The following VWA2 variants were observed in gnomAD, a reference collection of about 807,000 sequenced individuals.
VWA2 encodes the protein von Willebrand factor A domain-containing protein 2.
Under a neutral mutation model 70.4 loss-of-function variants are expected in VWA2, and 73 were observed. That is an observed-to-expected ratio of 1.04 (90% CI 0.86 to 1.26). The LOEUF is 1.26. VWA2 is among the 50% of genes most tolerant of loss of function. VWA2 has a pLI of 0.00. For synonymous variants in VWA2, 407 were observed against 423.3 expected, an observed-to-expected ratio of 0.96 and a Z score of 0.47; for missense variants, 1,011 against 998.5, an observed-to-expected ratio of 1.01 and a Z score of -0.17.
rs2036937135 is a variant in VWA2 at position 114,239,536 on chromosome 10, C to T, written c.-44C>T. 6.6e-6 allele frequency: 1 copy of T among 152,218 alleles called. No homozygotes were observed. Among genetic ancestry groups the T allele is most frequent in the African/African-American group, 2.4e-5 (1 of 41,436 alleles). The allele number at this position is 152,218 out of a possible 1,614,324, so 9.4% of individuals were successfully genotyped here. On this transcript the variant is annotated 5_prime_UTR_variant, in exon 1 of 14. Coordinates refer to ENST00000392982, the MANE Select transcript of VWA2 (RefSeq NM_001272046.2). ...GCCCGGGTCTGTGAGTAGAGCCGCCCGGGCACCGAGCGCTGGTCGCCGCTC... is the reference window on the plus strand; with the variant it reads ...GCCCGGGTCTGTGAGTAGAGCCGCCTGGGCACCGAGCGCTGGTCGCCGCTC...
intron 7 of VWA2, 38 bp downstream of exon 7, chr10:114,278,085 G>A (rs1389721287): frequency 6.3e-7 from 1 of 1,590,784 alleles, no homozygotes; most frequent in Non-Finnish European, 8.6e-7. Flanking sequence ...GAAGTGCCAT[G>A]TGGGGTCGGG....
Position 114,292,943 on chromosome 10 carries a change from G to A in VWA2, c.*1706G>A, listed in dbSNP as rs975943721. Among the ~76,000 whole-genome samples, 1 of 152,150 alleles carries A rather than the reference G, an allele frequency of 6.6e-6. No homozygotes were observed. Among genetic ancestry groups the A allele is most frequent in the East Asian group, 1.9e-4 (1 of 5,188 alleles). On this transcript the variant is annotated 3_prime_UTR_variant, in exon 14 of 14. Coordinates refer to ENST00000392982, the MANE Select transcript of VWA2 (RefSeq NM_001272046.2). ...GCTAGTCTCGAACTTCTGACCTCAG[G>A]TGATCCCCCTGCCTTGGCCTCCCAA...
At chr10:114,266,530 G>C (rs1390085794) in intron 5 of VWA2, among the ~76,000 whole-genome samples, 2 of 152,120 alleles carry the variant, frequency 1.3e-5, no homozygotes, top group Non-Finnish European at 2.9e-5. Flanking sequence ...AGTATGTTTT[G>C]AGGTAGTGAA....
Position 114,288,804 on chromosome 10 carries a change from A to G in VWA2, c.1571-134A>G, listed in dbSNP as rs116775700. On this transcript the variant is annotated intron_variant, in intron 11 of 13. Transcript: ENST00000392982. The stretch of plus-strand genomic sequence containing the variant: ...GCTGTTCTGTGGCTAAAAGGAAGAC[A>G]TAGAGGGTGTATTCTGCAGTGAACA... The G allele has an allele frequency of 1.7e-3, 1,430 of 840,880 alleles. 13 individuals carry two copies. In the African/African-American group the frequency reaches 0.022, roughly 13 times the overall value. The allele number at this position is 840,880 out of a possible 1,614,324, so 52.1% of individuals were successfully genotyped here. A position where few individuals can be genotyped will look rare whatever the true frequency, so the allele number is the denominator to read the frequency against.
chr10:114,247,921 T>C (rs550581007), intron 1 of VWA2, among the ~76,000 whole-genome samples: 33 of 151,022 alleles, frequency 2.2e-4, no homozygotes, highest in Admixed American at 1.6e-3. Flanking sequence ...GGTGGTGAAG[T>C]TTTTTTTTAA....
Position 114,247,939 on chromosome 10 carries a change from T to A in VWA2, c.-10-765T>A, listed in dbSNP as rs138435221. The stretch of plus-strand genomic sequence containing the variant: ...GGTGAAGTTTTTTTTTAAAAAAACT[T>A]CTCAAAAAATAATTTTTCTCAGCCA... On this transcript the variant is annotated intron_variant, in intron 1 of 13. Transcript: ENST00000392982. Among the ~76,000 whole-genome samples, 5 of 151,896 alleles carry A rather than the reference T, an allele frequency of 3.3e-5. No homozygotes were observed. In the East Asian group the frequency reaches 9.7e-4, roughly 30 times the overall value.
intron 8 of VWA2, 56 bp downstream of exon 8, chr10:114,278,907 A>T (rs2037920381): frequency 3.1e-6 from 5 of 1,604,296 alleles, no homozygotes; most frequent in Non-Finnish European, 4.2e-6. Context: ...CCCACCCCTG[A>T]GCTGCGGGGA....
rs759658035 is a variant in VWA2 at position 114,289,290 on chromosome 10, C to T, written c.1923C>T (p.Gly641=). 85 of 1,613,902 alleles carry T rather than the reference C, an allele frequency of 5.3e-5. No individual in the cohort carries two copies. The highest frequency in any genetic ancestry group is 2.8e-4 in the African/African-American group (21 of 75,034). The change falls in exon 12 of 14, where the codon GGC becomes GGT. Residue 641 remains glycine (G), a synonymous_variant. Coordinates refer to ENST00000392982, the MANE Select transcript of VWA2 (RefSeq NM_001272046.2). ...GVPKAVVVLT[G]GRGAEDAAVP... is the part of the protein sequence containing the mutation. ...CCAAAGCTGTGGTGGTGCTCACAGGCGGGAGAGGCGCAGAGGATGCAGCCG... is the reference window on the plus strand; with the variant it reads ...CCAAAGCTGTGGTGGTGCTCACAGGTGGGAGAGGCGCAGAGGATGCAGCCG...
intron 1 of VWA2, among the ~76,000 whole-genome samples, chr10:114,244,443 G>A (rs2037028283): frequency 6.6e-6 from 1 of 152,180 alleles, no homozygotes; most frequent in Non-Finnish European, 1.5e-5. Flanking sequence ...GTAAGCTGGG[G>A]CAGAACACTT....
chr10:114,246,063 GCCCCCGCCCCCCGCCCAA>G, intron 1 of VWA2: 1 of 526,342 alleles, frequency 1.9e-6, no homozygotes, highest in Non-Finnish European at 3.6e-6. Flanking sequence ...TGGACTACCT[GCCCCCGCCCCCCGCCCAA>G]GATGATTGGA....
intron 1 of VWA2, among the ~76,000 whole-genome samples, chr10:114,244,344 C>G (rs2037025960): frequency 1.3e-5 from 2 of 152,306 alleles, no homozygotes; most frequent in African/African-American, 4.8e-5. Flanking sequence ...AACACCTCTC[C>G]CTTGTTGAAC....
chr10:114,266,903 T>C (rs1441085214), intron 5 of VWA2, among the ~76,000 whole-genome samples: 3 of 152,194 alleles, frequency 2.0e-5, no homozygotes, highest in Admixed American at 6.5e-5. Context: ...TCCTTTTTTT[T>C]CCCCCTTAAT....
intron 5 of VWA2, among the ~76,000 whole-genome samples, chr10:114,270,978 G>C (rs2037695046): frequency 6.6e-6 from 1 of 152,036 alleles, no homozygotes; most frequent in Non-Finnish European, 1.5e-5. Flanking sequence ...GATTCACCAA[G>C]ACCCCATTTA....
chr10:114,291,490 G>A lies in VWA2; in HGVS notation c.*253G>A, dbSNP rs2039595475. 8.1e-6 allele frequency: 4 copies of A among 495,962 alleles called. No homozygotes were observed. Among genetic ancestry groups the A allele is most frequent in the Non-Finnish European group, 1.4e-5 (4 of 282,006 alleles). 30.7% of individuals were successfully genotyped at this position (495,962 alleles called of 1,614,324 possible). A position where few individuals can be genotyped will look rare whatever the true frequency, so the allele number is the denominator to read the frequency against. ...CGATGTTGTTGAAAAGTTTTGATGT[G>A]TAAGTAAATACCCACTTTCTGTACC... On this transcript the variant is annotated 3_prime_UTR_variant, in exon 14 of 14. Coordinates refer to ENST00000392982, the MANE Select transcript of VWA2 (RefSeq NM_001272046.2).
intron 8 of VWA2, among the ~76,000 whole-genome samples, chr10:114,280,409 C>G (rs1033622168): frequency 2.6e-5 from 4 of 151,496 alleles, no homozygotes; most frequent in Middle Eastern, 3.4e-3. Context: ...TGGAGGAACA[C>G]AGCAGCAAGA....
Position 114,290,325 on chromosome 10 carries a change from C to T in VWA2, c.2208C>T (p.Cys736=), listed in dbSNP as rs1208172992. 3.2e-6 allele frequency: 5 copies of T among 1,550,480 alleles called. No individual in the cohort carries two copies. The Admixed American group carries it at 5.9e-5, about 18-fold the overall frequency. The change falls in exon 13 of 14, where the codon TGC becomes TGT. Residue 736 remains cysteine (C), a synonymous_variant. Coordinates refer to ENST00000392982, the MANE Select transcript of VWA2 (RefSeq NM_001272046.2). ...SCVLQNGSYR[C]KCRDGWEGPH... The stretch of plus-strand genomic sequence containing the variant: ...TCCTGCAGAATGGGAGCTACCGCTG[C>T]AAGTGTCGGGATGGCTGGGAGGGCC...
intron 1 of VWA2, among the ~76,000 whole-genome samples, chr10:114,248,057 A>C (rs2037110988): frequency 6.6e-6 from 1 of 151,860 alleles, no homozygotes; most frequent in South Asian, 2.1e-4. Flanking sequence ...GCAGTGAGCC[A>C]AGATCGTGCC....
At chr10:114,272,978 C>A in intron 6 of VWA2, 44 bp downstream of exon 6, 1 of 1,546,220 alleles carries the variant, frequency 6.5e-7, no homozygotes, top group Non-Finnish European at 8.8e-7. Context: ...GGTGGTCAGC[C>A]TGGGGATCGT....
In VWA2 at chr10:114,246,797, C is replaced by CCTCA. The variant is rs539475080; in HGVS notation, c.-10-1907_-10-1906insCTCA. 8.8e-4 allele frequency: 960 copies of CCTCA among 1,091,242 alleles called. 4 individuals carry two copies. Among genetic ancestry groups the CCTCA allele is most frequent in the Middle Eastern group, 8.2e-3 (28 of 3,420 alleles). 67.6% of individuals were successfully genotyped at this position (1,091,242 alleles called of 1,614,324 possible). A position where few individuals can be genotyped will look rare whatever the true frequency, so the allele number is the denominator to read the frequency against. ...AACATGCTACTAAAATTTATTTTAC[C>CCTCA]ATTGACTGCTGCCCTCAATCTAGAG... On this transcript the variant is annotated intron_variant, in intron 1 of 13. Coordinates refer to ENST00000392982, the MANE Select transcript of VWA2 (RefSeq NM_001272046.2).
Sources: allele counts gnomAD v4.1 joint callset (sites outside exome capture counted in the v4.1 genomes callset), GRCh38; gene constraint gnomAD v4.1.1; transcripts MANE v1.5; gene names NCBI Gene and HGNC (gene_info 2026-07-23, HGNC 2026-07-21).